The following GPRC5B variants were observed in gnomAD, a reference collection of about 807,000 sequenced individuals.
GPRC5B encodes the protein G protein-coupled receptor class C group 5 member B.
A neutral mutation model predicts 30.1 loss-of-function variants in GPRC5B; 16 were observed. The observed-to-expected ratio is 0.53, with a 90% CI of 0.36 to 0.81. The LOEUF (loss-of-function observed/expected upper bound fraction) is 0.81, where lower values mean the gene tolerates loss of function less well. GPRC5B is among the 30% of genes least tolerant of loss of function. The pLI is 0.01. For missense variants in GPRC5B, 428 were observed against 544.7 expected, an observed-to-expected ratio of 0.79 and a Z score of 2.13; for synonymous variants, 241 against 239.5, an observed-to-expected ratio of 1.01 and a Z score of -0.06.
At chr16:19,876,331 A>C (rs1208573320) in intron 1 of GPRC5B, among the ~76,000 whole-genome samples, 2 of 152,230 alleles carry the variant, frequency 1.3e-5, no homozygotes, top group African/African-American at 4.8e-5. Context: ...AACATCCTAC[A>C]ATAGGACAGC....
At chr16:19,864,823 C>T (rs6497416) in intron 2 of GPRC5B, among the ~76,000 whole-genome samples, 15,751 of 152,116 alleles carry the variant, frequency 0.1, 915 homozygotes, top group Non-Finnish European at 0.13. Flanking sequence ...CCAGATAGTC[C>T]CCAGCCAGCA....
chr16:19,860,754 G>T (rs966144423), intron 3 of GPRC5B, among the ~76,000 whole-genome samples: 3 of 152,148 alleles, frequency 2.0e-5, no homozygotes, highest in Non-Finnish European at 4.4e-5. Flanking sequence ...CCATCCACCC[G>T]TAAGGAATGT....
Position 19,880,165 on chromosome 16 carries a change from TAATAA to T in GPRC5B, c.-2+4557_-2+4561del, listed in dbSNP as rs1033823806. Among the ~76,000 whole-genome samples the T allele has an allele frequency of 1.6e-4, 24 of 150,588 alleles. No homozygotes were observed. The South Asian group carries it at 1.9e-3, about 12-fold the overall frequency. ...AATAATAATAAAATAAAATAAATAA[TAATAA>T]AATAAAATAAAATAAAAAAGATTGG... is the stretch of plus-strand genomic sequence containing the variant. On this transcript the variant is annotated intron_variant, in intron 1 of 3. Coordinates refer to ENST00000300571, the MANE Select transcript of GPRC5B (RefSeq NM_016235.3).
At chr16:19,879,721 C>T (rs929513286) in intron 1 of GPRC5B, among the ~76,000 whole-genome samples, 1 of 152,182 alleles carries the variant, frequency 6.6e-6, no homozygotes, top group Non-Finnish European at 1.5e-5. Flanking sequence ...TAAGGTGCCT[C>T]ATCTGCAAAA....
At chr16:19,870,369 A>G (rs1296152878) in intron 2 of GPRC5B, among the ~76,000 whole-genome samples, 2 of 152,234 alleles carry the variant, frequency 1.3e-5, no homozygotes, top group African/African-American at 2.4e-5. Context: ...CTTTCAGTGG[A>G]AGCCAAGTCA....
intron 1 of GPRC5B, among the ~76,000 whole-genome samples, chr16:19,881,481 T>C (rs1408963469): frequency 2.0e-5 from 3 of 151,622 alleles, no homozygotes; most frequent in Non-Finnish European, 4.4e-5. Flanking sequence ...AGTGAATTGC[T>C]TGTTAAAAAG....
At chr16:19,863,386 C>A (rs1239014581) in intron 2 of GPRC5B, among the ~76,000 whole-genome samples, 1 of 151,038 alleles carries the variant, frequency 6.6e-6, no homozygotes, top group Non-Finnish European at 1.5e-5. Flanking sequence ...ACTATATGTA[C>A]TTTCATTATG....
chr16:19,858,344 A>G lies in GPRC5B; in HGVS notation c.*2156T>C. On this transcript the variant is annotated 3_prime_UTR_variant, in exon 4 of 4. Transcript: ENST00000300571. ...AAAAGGGGGGAAAAAGGTCTCATTA[A>G]ATGAGGCTTCCCATGGCTCAAAGAT... 1 of 449,006 alleles carries G rather than the reference A, an allele frequency of 2.2e-6. No homozygotes were observed. Among genetic ancestry groups the G allele is most frequent in the South Asian group, 5.8e-5 (1 of 17,382 alleles). 27.8% of individuals were successfully genotyped at this position (449,006 alleles called of 1,614,324 possible).
At chr16:19,875,184 C>G (rs1263787715) in intron 1 of GPRC5B, among the ~76,000 whole-genome samples, 1 of 152,188 alleles carries the variant, frequency 6.6e-6, no homozygotes, top group Non-Finnish European at 1.5e-5. Context: ...CTGGGGCTGT[C>G]GGGCTCATGT....
intron 2 of GPRC5B, among the ~76,000 whole-genome samples, chr16:19,871,281 C>CAAAAAAAAAAAAAAAAAAAAAAAAAAAA (rs71375667): frequency 4.3e-5 from 3 of 70,378 alleles, no homozygotes; most frequent in African/African-American, 6.0e-5. Context: ...GACCCTGTCT[C>CAAAAAAAAAAAAAAAAAAAAAAAAAAAA]AAAAAAAAAA....
chr16:19,860,941 G>A lies in GPRC5B; in HGVS notation c.1168-397C>T, dbSNP rs568127159. On this transcript the variant is annotated intron_variant, in intron 3 of 3. Coordinates refer to ENST00000300571, the MANE Select transcript of GPRC5B (RefSeq NM_016235.3). The stretch of plus-strand genomic sequence containing the variant: ...CTCGGGACAATAAAACAGCCCAGTC[G>A]TTGGCAGGGGGTTTTAAGAATGCAA... Among the ~76,000 whole-genome samples the A allele has an allele frequency of 5.3e-5, 8 of 152,106 alleles. 1 individual carries two copies. The South Asian group carries it at 6.2e-4, about 12-fold the overall frequency.
chr16:19,861,921 G>A lies in GPRC5B; in HGVS notation c.1083C>T (p.Gly361=). 1 of 1,613,094 alleles carries A rather than the reference G, an allele frequency of 6.2e-7. No homozygotes were observed. Among genetic ancestry groups the A allele is most frequent in the African/African-American group, 1.3e-5 (1 of 75,038 alleles). ...GAGCGCTGGGTCTTTTCCCCAAGCT[G>A]CCACTGGGTCTTTTTCCCAAGCTGC... ...PNGSLGKRPS[G]SLGKRPSAPF... The change falls in exon 3 of 4, where the codon GGC becomes GGT. Residue 361 remains glycine, a synonymous_variant. Coordinates refer to ENST00000300571, the MANE Select transcript of GPRC5B (RefSeq NM_016235.3).
intron 1 of GPRC5B, among the ~76,000 whole-genome samples, chr16:19,881,885 G>T (rs1255023670): frequency 2.6e-5 from 4 of 152,226 alleles, no homozygotes; most frequent in Admixed American, 2.6e-4. Context: ...GCTGGCCTGG[G>T]ACTAGCCCCC....
intron 1 of GPRC5B, among the ~76,000 whole-genome samples, chr16:19,875,267 G>GC (rs1192692005): frequency 1.3e-5 from 2 of 152,236 alleles, no homozygotes; most frequent in African/African-American, 4.8e-5. Context: ...CCAGCATCCT[G>GC]CTCAGGTACC....
chr16:19,861,617 T>C (rs1433554717), intron 3 of GPRC5B, among the ~76,000 whole-genome samples: 1 of 152,184 alleles, frequency 6.6e-6, no homozygotes, highest in Non-Finnish European at 1.5e-5. Flanking sequence ...TTCAAACGAA[T>C]CTACAGATGG....
intron 1 of GPRC5B, among the ~76,000 whole-genome samples, chr16:19,875,920 C>T (rs896220821): frequency 3.3e-5 from 5 of 152,298 alleles, no homozygotes; most frequent in South Asian, 2.1e-4. Flanking sequence ...CTAAAGCACA[C>T]GAGGGATCAA....
intron 1 of GPRC5B, among the ~76,000 whole-genome samples, chr16:19,883,667 G>T (rs1008288853): frequency 6.6e-6 from 1 of 152,258 alleles, no homozygotes; most frequent in Non-Finnish European, 1.5e-5. Flanking sequence ...GCGTGGGCTG[G>T]GGCCCCAGGC....
intron 3 of GPRC5B, 22 bp downstream of exon 3, chr16:19,861,815 C>G: frequency 1.2e-6 from 2 of 1,608,340 alleles, no homozygotes; most frequent in Non-Finnish European, 8.5e-7. Flanking sequence ...TTCCTACCCC[C>G]ACATCACATC....
At position 19,861,919 on chromosome 16, in the gene GPRC5B, C is replaced by T; in HGVS notation, c.1085G>A (p.Ser362Asn). 6.2e-7 allele frequency: 1 copy of T among 1,613,418 alleles called. No individual in the cohort carries two copies. The highest frequency in any genetic ancestry group is 8.5e-7 in the Non-Finnish European group (1 of 1,179,450). Residue 362 changes from serine to asparagine, a missense_variant, in exon 3 of 4, where the codon AGC becomes AAC. Transcript: ENST00000300571. ...CGGAGCGCTGGGTCTTTTCCCCAAG[C>T]TGCCACTGGGTCTTTTTCCCAAGCT... is the stretch of plus-strand genomic sequence containing the variant. ...NGSLGKRPSGSLGKRPSAPFR... is the reference protein window; with the variant it reads ...NGSLGKRPSGNLGKRPSAPFR...
Sources: gnomAD v4.1 joint callset for allele counts (sites outside exome capture counted in the v4.1 genomes callset) on GRCh38, gnomAD v4.1.1 for gene constraint, MANE v1.5 for transcripts, NCBI Gene and HGNC (gene_info 2026-07-23, HGNC 2026-07-21) for gene names.